The following CNTNAP4 variants were observed in gnomAD, a reference collection of about 807,000 sequenced individuals.
CNTNAP4 encodes contactin-associated protein-like 4.
CNTNAP4 carries 98 observed loss-of-function variants against 148.4 expected under a neutral mutation model. The observed-to-expected ratio is 0.66, with a 90% confidence interval of 0.56 to 0.78. The LOEUF (loss-of-function observed/expected upper bound fraction) is 0.78. Among genes scored for constraint, CNTNAP4 ranks in the 30% least tolerant of loss-of-function variants. The probability of loss-of-function intolerance (pLI) is 0.00; values close to 1 mark genes in which losing one functional copy is unlikely to be tolerated. For synonymous variants in CNTNAP4, 730 were observed against 565.1 expected, an observed-to-expected ratio of 1.29 and a Z score of -4.14; for missense variants, 1,935 against 1,565.6, an observed-to-expected ratio of 1.24 and a Z score of -3.98.
chr16:76,355,412 AG>A lies in CNTNAP4; in HGVS notation c.296del (p.Gly99AspfsTer8). ...RMEVTAVATQ[G>X]GYGSSNWVTS... is the part of the protein sequence containing the mutation. ...TGGAGGTCACCGCTGTGGCCACTCAAGGGGGATATGGTAGCTCCAACTGGGT... is the reference window on the plus strand; with the variant it reads ...TGGAGGTCACCGCTGTGGCCACTCAAGGGGATATGGTAGCTCCAACTGGGT... On this transcript the variant is annotated frameshift_variant, in exon 3 of 24. Coordinates refer to ENST00000611870, the MANE Select transcript of CNTNAP4 (RefSeq NM_033401.5). LOFTEE classifies it high-confidence loss of function. The A allele has an allele frequency of 6.2e-7, 1 of 1,612,228 alleles. No individual in the cohort carries two copies. The highest frequency in any genetic ancestry group is 8.5e-7 in the Non-Finnish European group (1 of 1,179,000).
intron 4 of CNTNAP4, among the ~76,000 whole-genome samples, chr16:76,443,606 C>G (rs866200831): frequency 1.3e-5 from 2 of 151,954 alleles, no homozygotes; most frequent in South Asian, 4.1e-4. Flanking sequence ...AATATTTTCC[C>G]AAAGGTATTT....
chr16:76,455,037 A>C (rs1252860379), intron 8 of CNTNAP4, among the ~76,000 whole-genome samples: 1 of 152,206 alleles, frequency 6.6e-6, no homozygotes, highest in Non-Finnish European at 1.5e-5. Flanking sequence ...GCAAATTGTC[A>C]TTTGGAATTA....
chr16:76,305,719 G>A (rs1388911667), intron 1 of CNTNAP4, among the ~76,000 whole-genome samples: 1 of 151,976 alleles, frequency 6.6e-6, no homozygotes, highest in Non-Finnish European at 1.5e-5. Context: ...AGATACAGGG[G>A]GTACATGTGT....
chr16:76,536,230 CTG>C (rs1173679554), intron 18 of CNTNAP4, among the ~76,000 whole-genome samples: 1 of 151,996 alleles, frequency 6.6e-6, no homozygotes, highest in Admixed American at 6.5e-5. Flanking sequence ...CTCTGTCACT[CTG>C]TCACCCAGGC....
rs576452324 is a variant in CNTNAP4, at chr16:76,291,563, G to C, written c.85+13816G>C. Among the ~76,000 whole-genome samples the C allele has an allele frequency of 2.0e-5, 3 of 152,220 alleles. No individual in the cohort carries two copies. In the East Asian group the frequency reaches 5.8e-4, roughly 29 times the overall value. ...CCCAGCTCCAGTTGTGCTGTGATTT[G>C]CTCTGTGTGTTTCTCATATCCCCTT... On this transcript the variant is annotated intron_variant, in intron 1 of 23. Transcript: ENST00000611870.
At chr16:76,488,787 G>A (rs758614982) in intron 12 of CNTNAP4, among the ~76,000 whole-genome samples, 4 of 152,018 alleles carry the variant, frequency 2.6e-5, no homozygotes, top group Non-Finnish European at 5.9e-5. Flanking sequence ...GTCTGTTGCT[G>A]GTAAAGTTGA....
chr16:76,447,877 CATT>C (rs2080307705), intron 4 of CNTNAP4, 132 bp from the exon 5 acceptor site: 1 of 625,822 alleles, frequency 1.6e-6, no homozygotes, highest in Non-Finnish European at 2.8e-6. Flanking sequence ...ATAACTCCAT[CATT>C]AGTTGAGGAG....
chr16:76,341,798 A>T (rs979447283), intron 2 of CNTNAP4, among the ~76,000 whole-genome samples: 2 of 152,192 alleles, frequency 1.3e-5, no homozygotes, highest in African/African-American at 4.8e-5. Flanking sequence ...GATGTAAAGC[A>T]AGAGAAAATG....
intron 4 of CNTNAP4, among the ~76,000 whole-genome samples, chr16:76,431,959 T>G (rs574725502): frequency 6.6e-6 from 1 of 152,138 alleles, no homozygotes; most frequent in East Asian, 1.9e-4. Flanking sequence ...TATGGAAGAT[T>G]GGAACTCCAA....
At chr16:76,376,631 C>T (rs1300007414) in intron 3 of CNTNAP4, among the ~76,000 whole-genome samples, 1 of 152,192 alleles carries the variant, frequency 6.6e-6, no homozygotes, top group Non-Finnish European at 1.5e-5. Context: ...GAACAGGTCA[C>T]CTGTGCAGAC....
intron 15 of CNTNAP4, among the ~76,000 whole-genome samples, chr16:76,519,622 T>C (rs1472827): frequency 0.06 from 9,154 of 152,296 alleles, 493 homozygotes; most frequent in East Asian, 0.27. Flanking sequence ...AATGTGTTGT[T>C]ATCCCTGACT....
At chr16:76,293,760 A>T (rs1274265492) in intron 1 of CNTNAP4, among the ~76,000 whole-genome samples, 2 of 152,040 alleles carry the variant, frequency 1.3e-5, no homozygotes, top group African/African-American at 2.4e-5. Context: ...ATCAGGTGAA[A>T]TAGTACAAGC....
chr16:76,535,443 A>AT (rs201074862), intron 17 of CNTNAP4, 102 bp from the exon 18 acceptor site: 124 of 1,229,750 alleles, frequency 1.0e-4, no homozygotes, highest in Middle Eastern at 2.9e-4. Context: ...TTGCTCATCC[A>AT]TTTTTTTTGC....
chr16:76,525,299 C>T (rs1221305620), intron 17 of CNTNAP4, among the ~76,000 whole-genome samples: 1 of 150,752 alleles, frequency 6.6e-6, no homozygotes, highest in African/African-American at 2.4e-5. Flanking sequence ...TTTAAAAAAT[C>T]AGTAGTAATT....
rs775583826 is a variant in CNTNAP4, at chr16:76,479,385, G to C, written c.1763-34G>C. ...TTAAAAGTTAAGAGATTCATTTCAT[G>C]CTATTCCATTAATGATGATTTTTTT... On this transcript the variant is annotated intron_variant, in intron 11 of 23. Coordinates refer to ENST00000611870, the MANE Select transcript of CNTNAP4 (RefSeq NM_033401.5). 5 of 1,538,430 alleles carry C rather than the reference G, an allele frequency of 3.3e-6. No homozygotes were observed. In the African/African-American group the frequency reaches 5.6e-5, roughly 17 times the overall value.
At chr16:76,290,011 A>G (rs1444963829) in intron 1 of CNTNAP4, among the ~76,000 whole-genome samples, 1 of 152,176 alleles carries the variant, frequency 6.6e-6, no homozygotes, top group Non-Finnish European at 1.5e-5. Context: ...TTATAGTCAT[A>G]ACTTTTCATG....
At chr16:76,443,430 A>G (rs578123072) in intron 4 of CNTNAP4, among the ~76,000 whole-genome samples, 5 of 152,282 alleles carry the variant, frequency 3.3e-5, no homozygotes, top group African/African-American at 1.2e-4. Context: ...CCAAAAATAC[A>G]AAAAATTAGC....
intron 17 of CNTNAP4, among the ~76,000 whole-genome samples, chr16:76,525,579 A>G (rs62048240): frequency 0.13 from 18,586 of 146,476 alleles, 1,662 homozygotes; most frequent in East Asian, 0.3. Context: ...CTATTTGTAT[A>G]TATAAAAAAT....
At chr16:76,546,073 A>T (rs1266805690) in intron 21 of CNTNAP4, among the ~76,000 whole-genome samples, 1 of 152,074 alleles carries the variant, frequency 6.6e-6, no homozygotes, top group Non-Finnish European at 1.5e-5. Context: ...CACACCAGGA[A>T]TAAGTAAAAA....
Sources: gnomAD v4.1 joint callset for allele counts (sites outside exome capture counted in the v4.1 genomes callset) on GRCh38, gnomAD v4.1.1 for gene constraint, MANE v1.5 for transcripts, NCBI Gene and HGNC (gene_info 2026-07-23, HGNC 2026-07-21) for gene names.